The following PJA2 variants were observed in gnomAD, a reference collection of about 807,000 sequenced individuals.
The protein encoded by PJA2 is praja ring finger ubiquitin ligase 2.
A neutral mutation model predicts 69.3 loss-of-function variants in PJA2; 25 were observed. The ratio of observed to expected loss-of-function variants is 0.36; its 90% confidence interval spans 0.26 to 0.50. The LOEUF (loss-of-function observed/expected upper bound fraction) is 0.50, where lower values mean the gene tolerates loss of function less well. Ranked by LOEUF, PJA2 falls within the 20% of genes least tolerant of loss-of-function variation. The pLI is 0.96. For missense variants in PJA2, 809 were observed against 830.2 expected, an observed-to-expected ratio of 0.97 and a Z score of 0.31; for synonymous variants, 308 against 277.8, an observed-to-expected ratio of 1.11 and a Z score of -1.08.
chr5:109,386,438 A>G (rs985535914), intron 1 of PJA2, among the ~76,000 whole-genome samples: 25 of 152,168 alleles, frequency 1.6e-4, no homozygotes, highest in Non-Finnish European at 3.5e-4. Flanking sequence ...AACAGTACAG[A>G]AATCATGGAA....
intron 7 of PJA2, among the ~76,000 whole-genome samples, chr5:109,354,164 A>C (rs1221061664): frequency 7.3e-6 from 1 of 137,282 alleles, no homozygotes; most frequent in Admixed American, 7.3e-5. Flanking sequence ...TATGATATCT[A>C]GAGATGTCTA....
At chr5:109,345,657 A>G (rs1216322724) in intron 7 of PJA2, among the ~76,000 whole-genome samples, 1 of 152,202 alleles carries the variant, frequency 6.6e-6, no homozygotes, top group Non-Finnish European at 1.5e-5. Context: ...ACATTTTGGA[A>G]AGGTTCACTT....
At chr5:109,408,057 G>A (rs1747730824) in intron 1 of PJA2, among the ~76,000 whole-genome samples, 1 of 151,996 alleles carries the variant, frequency 6.6e-6, no homozygotes, top group South Asian at 2.1e-4. Context: ...AGGGAGAAAG[G>A]GTTACCAAAA....
At chr5:109,356,523 C>T (rs906655677) in intron 6 of PJA2, among the ~76,000 whole-genome samples, 3 of 152,030 alleles carry the variant, frequency 2.0e-5, no homozygotes, top group Non-Finnish European at 2.9e-5. Flanking sequence ...ATCCCAAATC[C>T]CAAACACTTC....
rs528716225 is a variant in PJA2, at chr5:109,370,539, C to A, written c.1284-1793G>T. On this transcript the variant is annotated intron_variant, in intron 4 of 9. Transcript: ENST00000361189. ...CATCCCGGAGAAGGAAAGCTATAAA[C>A]CCTAGGCACAGCAACTAAAAGGTGT... Among the ~76,000 whole-genome samples the A allele has an allele frequency of 5.9e-5, 9 of 152,226 alleles. No individual in the cohort carries two copies. In the South Asian group the frequency reaches 1.9e-3, roughly 32 times the overall value.
At chr5:109,361,438 A>C (rs964456204) in intron 6 of PJA2, among the ~76,000 whole-genome samples, 47 of 152,340 alleles carry the variant, frequency 3.1e-4, no homozygotes, top group African/African-American at 1.1e-3. Context: ...TAGAGTCTTG[A>C]AAATGTGTAA....
chr5:109,395,855 C>T lies in PJA2; in HGVS notation c.-87-12335G>A, dbSNP rs1275644302. Among the ~76,000 whole-genome samples, 4 of 151,818 alleles carry T rather than the reference C, an allele frequency of 2.6e-5. No individual in the cohort carries two copies. In the East Asian group the frequency reaches 7.7e-4, roughly 29 times the overall value. ...TTCTACTAAAAATACAAAAAATTAGCTGGGTGTGGAGGCACATGCCTGTAA... is the reference window on the plus strand; with the variant it reads ...TTCTACTAAAAATACAAAAAATTAGTTGGGTGTGGAGGCACATGCCTGTAA... On this transcript the variant is annotated intron_variant, in intron 1 of 9. Coordinates refer to ENST00000361189, the MANE Select transcript of PJA2 (RefSeq NM_014819.5).
At chr5:109,395,298 G>A (rs1220696440) in intron 1 of PJA2, among the ~76,000 whole-genome samples, 1 of 152,216 alleles carries the variant, frequency 6.6e-6, no homozygotes, top group Non-Finnish European at 1.5e-5. Context: ...TTGGGATGAA[G>A]AAGGTGGATA....
intron 1 of PJA2, among the ~76,000 whole-genome samples, chr5:109,388,599 T>G (rs921103949): frequency 7.9e-6 from 1 of 125,874 alleles, no homozygotes; most frequent in Non-Finnish European, 1.8e-5. Flanking sequence ...TTTCAACTGA[T>G]AGCGTGGATC....
intron 6 of PJA2, among the ~76,000 whole-genome samples, chr5:109,362,066 AAAC>A (rs1333912583): frequency 3.9e-5 from 6 of 152,230 alleles, no homozygotes; most frequent in Non-Finnish European, 7.3e-5. Flanking sequence ...TTAACTGGAA[AAAC>A]AACACAAATT....
intron 9 of PJA2, among the ~76,000 whole-genome samples, chr5:109,342,292 T>C (rs1355839127): frequency 2.2e-5 from 2 of 89,190 alleles, no homozygotes; most frequent in African/African-American, 9.3e-5. Context: ...GAGGAGCCCC[T>C]CTGCCCGGCC....
At position 109,347,265 on chromosome 5, in the gene PJA2, C is replaced by T. The variant is rs181614229; in HGVS notation, c.1765-2446G>A. 9.3e-4 allele frequency among the ~76,000 whole-genome samples: 141 copies of T among 152,206 alleles called. 1 individual carries two copies. Among genetic ancestry groups the T allele is most frequent in the Middle Eastern group, 3.4e-3 (1 of 294 alleles). On this transcript the variant is annotated intron_variant, in intron 7 of 9. Transcript: ENST00000361189. ...TCTGCCCTTTGAAAACAGATTTGGG[C>T]CTTTTAAATATTTTTCCTTTTGTTA...
chr5:109,343,273 CA>C (rs869033444), intron 9 of PJA2, among the ~76,000 whole-genome samples: 75 of 19,390 alleles, frequency 3.9e-3, no homozygotes, highest in East Asian at 0.013. Context: ...AAGGGCGGTG[CA>C]AAAAAAAAAA....
chr5:109,367,639 C>CA (rs1418868218), intron 5 of PJA2, among the ~76,000 whole-genome samples: 1 of 152,008 alleles, frequency 6.6e-6, no homozygotes, highest in African/African-American at 2.4e-5. Flanking sequence ...GATATTGAAA[C>CA]AAAAAACTAA....
intron 7 of PJA2, among the ~76,000 whole-genome samples, chr5:109,354,365 A>AGAGATATCTATAGATTAGATATCTAT (rs1762363050): frequency 2.2e-5 from 3 of 135,994 alleles, no homozygotes; most frequent in African/African-American, 5.9e-5. Context: ...ATCTATATCT[A>AGAGATATCTATAGATTAGATATCTAT]GAGATATCTA....
intron 4 of PJA2, among the ~76,000 whole-genome samples, chr5:109,371,627 C>T (rs1014259899): frequency 4.6e-5 from 7 of 152,294 alleles, no homozygotes; most frequent in African/African-American, 1.7e-4. Context: ...CCTCAAAATG[C>T]ATTCTGAATA....
rs1747047164 is a variant in PJA2, at chr5:109,381,486, A to G, written c.232+17T>C. On this transcript the variant is annotated intron_variant, in intron 3 of 9. Coordinates refer to ENST00000361189, the MANE Select transcript of PJA2 (RefSeq NM_014819.5). Reference sequence around the variant, plus strand: ...ATATAACTATTAATAACCTTTAAATAATTAAATGTTACACACCTGAGGAAT... The same window carrying G: ...ATATAACTATTAATAACCTTTAAATGATTAAATGTTACACACCTGAGGAAT... The G allele has an allele frequency of 7.5e-6, 12 of 1,605,240 alleles. No homozygotes were observed. The highest frequency in any genetic ancestry group is 1.7e-5 in the Admixed American group (1 of 59,820).
Position 109,344,743 on chromosome 5 carries a change from T to C in PJA2, c.1841A>G (p.Asp614Gly). Residue 614 changes from aspartate to glycine, a missense_variant, in exon 8 of 10, where the codon GAT becomes GGT. Physicochemically the swap from Asp to Gly is moderately conservative, Grantham distance 94. Transcript: ENST00000361189. ...AAGAACAAGGGTCTCTGGAAGACCA[T>C]CAATGCTTTCCTTACTAGCTGGTGG... ...ANPPASKESIDGLPETLVLED... is the reference protein window; with the variant it reads ...ANPPASKESIGGLPETLVLED... The C allele has an allele frequency of 6.2e-7, 1 of 1,614,062 alleles. No individual in the cohort carries two copies. The highest frequency in any genetic ancestry group is 8.5e-7 in the Non-Finnish European group (1 of 1,179,946).
intron 9 of PJA2, among the ~76,000 whole-genome samples, chr5:109,342,432 T>G: frequency 8.6e-6 from 1 of 116,790 alleles, no homozygotes; most frequent in African/African-American, 3.5e-5. Flanking sequence ...GGTGGGGATG[T>G]CGGCCCCCCG....
Sources: gnomAD v4.1 joint callset for allele counts (sites outside exome capture counted in the v4.1 genomes callset) on GRCh38, gnomAD v4.1.1 for gene constraint, MANE v1.5 for transcripts, NCBI Gene and HGNC (gene_info 2026-07-23, HGNC 2026-07-21) for gene names.